The following MTBP variants were observed in gnomAD, a reference collection of about 807,000 sequenced individuals.
MTBP encodes MDM2 binding protein.
A neutral mutation model predicts 117.0 loss-of-function variants in MTBP; 101 were observed. That is an observed-to-expected ratio of 0.86 (90% CI 0.73 to 1.02). The LOEUF is 1.02. MTBP is among the 50% of genes least tolerant of loss of function. The pLI is 0.00. For synonymous variants in MTBP, 350 were observed against 351.5 expected (o/e 1.00, Z 0.05); for missense variants, 970 against 1,030.9 (o/e 0.94, Z 0.81).
chr8:120,453,557 T>C (rs1813404925), intron 4 of MTBP, among the ~76,000 whole-genome samples: 1 of 152,196 alleles, frequency 6.6e-6, no homozygotes. Flanking sequence ...TAGGGAGTTT[T>C]ATTTCCTTTT....
intron 8 of MTBP, 148 bp downstream of exon 8, chr8:120,459,497 A>G: frequency 1.3e-6 from 1 of 747,918 alleles, no homozygotes; most frequent in Non-Finnish European, 2.0e-6. Flanking sequence ...CTTAAGTTAT[A>G]CTATGTCATC....
At chr8:120,479,351 T>C (rs928374450) in intron 11 of MTBP, among the ~76,000 whole-genome samples, 2 of 152,202 alleles carry the variant, frequency 1.3e-5, no homozygotes, top group African/African-American at 4.8e-5. Context: ...AATTTCATCT[T>C]GAGAAATAAA....
At position 120,488,487 on chromosome 8, in the gene MTBP, A is replaced by G. The variant is rs185849397; in HGVS notation, c.1339+155A>G. Reference sequence around the variant, plus strand: ...TTAATTTACCTTTTATTTAAAACATATTATGACATATTTTTACAATTTAAT... The same window carrying G: ...TTAATTTACCTTTTATTTAAAACATGTTATGACATATTTTTACAATTTAAT... On this transcript the variant is annotated intron_variant, in intron 12 of 21. Coordinates refer to ENST00000305949, the MANE Select transcript of MTBP (RefSeq NM_022045.5). Among the ~76,000 whole-genome samples, 623 of 152,326 alleles carry G rather than the reference A, an allele frequency of 4.1e-3. 5 individuals are homozygous for G. The highest frequency in any genetic ancestry group is 0.014 in the African/African-American group (596 of 41,564).
intron 2 of MTBP, among the ~76,000 whole-genome samples, chr8:120,449,532 A>T (rs1813294236): frequency 6.6e-6 from 1 of 152,210 alleles, no homozygotes; most frequent in Non-Finnish European, 1.5e-5. Context: ...ATGGCAAAAA[A>T]ACCCAATTAT....
Position 120,463,748 on chromosome 8 carries a change from C to A in MTBP, c.1034C>A (p.Ser345Tyr). The A allele has an allele frequency of 6.2e-7, 1 of 1,611,886 alleles. No individual in the cohort carries two copies. Among genetic ancestry groups the A allele is most frequent in the Non-Finnish European group, 8.5e-7 (1 of 1,178,702 alleles). Residue 345 changes from serine (S) to tyrosine (Y), a missense_variant, in exon 10 of 22, where the codon TCT becomes TAT. By Grantham distance (144) the Ser-to-Tyr change is moderately radical (BLOSUM62 -2). Coordinates refer to ENST00000305949, the MANE Select transcript of MTBP (RefSeq NM_022045.5). The stretch of plus-strand genomic sequence containing the variant: ...GTGTTGCTGTTGGAGCAGATTTCTT[C>A]TCTGTGTAGCAAGGTATTGAGGGTT... ...NSVLLLEQIS[S>Y]LCSKVGALFV...
intron 14 of MTBP, 65 bp from the exon 15 acceptor site, chr8:120,502,427 A>C: frequency 1.7e-6 from 2 of 1,159,048 alleles, no homozygotes; most frequent in Non-Finnish European, 2.5e-6. Flanking sequence ...GTAAATACAC[A>C]TTTTTATTAG....
chr8:120,509,290 G>A (rs1814752124), intron 16 of MTBP, among the ~76,000 whole-genome samples: 1 of 152,122 alleles, frequency 6.6e-6, no homozygotes, highest in South Asian at 2.1e-4. Context: ...CTCTACCAAG[G>A]AAAATCTTCC....
intron 14 of MTBP, among the ~76,000 whole-genome samples, chr8:120,498,777 G>T (rs1317039235): frequency 6.6e-6 from 1 of 152,086 alleles, no homozygotes; most frequent in African/African-American, 2.4e-5. Flanking sequence ...GATAAGATTT[G>T]CCAGGTAGAA....
chr8:120,497,825 C>A (rs1417563687), intron 14 of MTBP, among the ~76,000 whole-genome samples: 1 of 152,074 alleles, frequency 6.6e-6, no homozygotes, highest in African/African-American at 2.4e-5. Flanking sequence ...TAAGATGATG[C>A]CTCTCTTTAG....
chr8:120,446,495 G>T lies in MTBP; in HGVS notation c.181G>T (p.Glu61Ter). 6.3e-7 allele frequency: 1 copy of T among 1,591,784 alleles called. No homozygotes were observed. The highest frequency in any genetic ancestry group is 1.7e-4 in the Middle Eastern group (1 of 6,010). The change falls in exon 2 of 22, where the codon GAA becomes TAA. Residue 61 changes from glutamate to a stop codon, truncating the protein, a stop_gained. Coordinates refer to ENST00000305949, the MANE Select transcript of MTBP (RefSeq NM_022045.5). LOFTEE classifies it high-confidence loss of function. ...AAGCATTAGTGCTTCAATTAATCCAGAAGATAGTACTTTCCCTGGTAAGTA... is the reference window on the plus strand; with the variant it reads ...AAGCATTAGTGCTTCAATTAATCCATAAGATAGTACTTTCCCTGGTAAGTA... ...KRSISASINP[E>*]DSTFPACSVG...
At chr8:120,464,896 G>T (rs979000496) in intron 10 of MTBP, among the ~76,000 whole-genome samples, 4 of 152,032 alleles carry the variant, frequency 2.6e-5, no homozygotes, top group Admixed American at 2.6e-4. Flanking sequence ...GTGTACAGAA[G>T]AAGCTTCTGT....
intron 2 of MTBP, among the ~76,000 whole-genome samples, chr8:120,448,982 G>A (rs1487502309): frequency 6.6e-6 from 1 of 152,136 alleles, no homozygotes; most frequent in African/African-American, 2.4e-5. Flanking sequence ...ATGGTAATCA[G>A]CAGCCATTAA....
intron 11 of MTBP, chr8:120,471,876 G>A (rs1163576566): frequency 6.6e-6 from 1 of 151,978 alleles, no homozygotes; most frequent in Non-Finnish European, 1.5e-5. Flanking sequence ...TGTTCAAGAT[G>A]TCTTTATCCA....
In MTBP at chr8:120,488,216, A is replaced by G. The variant is rs370988394; in HGVS notation, c.1223A>G (p.Asn408Ser). The change falls in exon 12 of 22, where the codon AAT (asparagine) becomes AGT (serine). Residue 408 changes from asparagine to serine, a missense_variant. By Grantham distance (46) the Asn-to-Ser change is conservative. Coordinates refer to ENST00000305949, the MANE Select transcript of MTBP (RefSeq NM_022045.5). ...CSSYYLLLQGNGNRRCKATLI... is the reference protein window; with the variant it reads ...CSSYYLLLQGSGNRRCKATLI... ...AGCTATTATCTCTTGTTACAAGGTA[A>G]TGGCAATAGAAGATGTAAAGCCACA... The G allele has an allele frequency of 2.6e-5, 42 of 1,596,526 alleles. No individual in the cohort carries two copies. The highest frequency in any genetic ancestry group is 3.2e-5 in the Non-Finnish European group (37 of 1,173,902).
At chr8:120,462,323 G>A (rs930767430) in intron 9 of MTBP, among the ~76,000 whole-genome samples, 10 of 152,308 alleles carry the variant, frequency 6.6e-5, no homozygotes, top group Non-Finnish European at 1.2e-4. Flanking sequence ...TGTTAAAGAT[G>A]TAAAATCAAC....
At chr8:120,478,661 A>G (rs1408446740) in intron 11 of MTBP, among the ~76,000 whole-genome samples, 1 of 152,186 alleles carries the variant, frequency 6.6e-6, no homozygotes, top group East Asian at 1.9e-4. Context: ...ATATTTTTAG[A>G]GGGACTAGAT....
At position 120,459,263 on chromosome 8, in the gene MTBP, C is replaced by T. The variant is rs1256778442; in HGVS notation, c.796C>T (p.Leu266Phe). Reference protein sequence around the residue: ...FPEFCLKGVTLKNFSTSNLNT... With the variant: ...FPEFCLKGVTFKNFSTSNLNT... ...TGAATTTTGTTTAAAGGGAGTCACA[C>T]TTAAGAATTTTAGTACTTCTAATTT... Residue 266 changes from leucine (L) to phenylalanine (F), a missense_variant, in exon 8 of 22, where the codon CTT becomes TTT. Transcript: ENST00000305949. 1 of 1,610,630 alleles carries T rather than the reference C, an allele frequency of 6.2e-7. No individual in the cohort carries two copies. The highest frequency in any genetic ancestry group is 1.7e-5 in the Admixed American group (1 of 59,854).
chr8:120,510,466 A>G (rs572819377), intron 17 of MTBP, among the ~76,000 whole-genome samples: 1 of 152,294 alleles, frequency 6.6e-6, no homozygotes, highest in South Asian at 2.1e-4. Context: ...CTCAAACTGG[A>G]AAGAGCCTAG....
rs775648979 is a variant in MTBP, at chr8:120,518,069, T to C, written c.2465T>C (p.Ile822Thr). The change falls in exon 19 of 22, where the codon ATT becomes ACT. Residue 822 changes from isoleucine (I) to threonine (T), a missense_variant. Coordinates refer to ENST00000305949, the MANE Select transcript of MTBP (RefSeq NM_022045.5). ...SMHESKTSRQ[I>T]KESRSQKHTR... is the part of the protein sequence containing the mutation. The stretch of plus-strand genomic sequence containing the variant: ...CATGAATCAAAAACATCAAGGCAAA[T>C]TAAGGAATCAAGATCACAGAAACAC... 12 of 1,612,308 alleles carry C rather than the reference T, an allele frequency of 7.4e-6. 1 individual carries two copies. Among genetic ancestry groups the C allele is most frequent in the Admixed American group, 3.3e-5 (2 of 59,854 alleles).
Sources: allele counts gnomAD v4.1 joint callset (sites outside exome capture counted in the v4.1 genomes callset), GRCh38; gene constraint gnomAD v4.1.1; transcripts MANE v1.5; gene names NCBI Gene and HGNC (gene_info 2026-07-23, HGNC 2026-07-21).